The following VWC2 variants were observed in gnomAD, a reference collection of about 807,000 sequenced individuals.
VWC2 encodes the protein von Willebrand factor C domain containing 2.
A neutral mutation model predicts 29.8 loss-of-function variants in VWC2; 14 were observed. The ratio of observed to expected loss-of-function variants is 0.47; its 90% confidence interval spans 0.31 to 0.74. The LOEUF is 0.74. Among genes scored for constraint, VWC2 ranks in the 30% least tolerant of loss-of-function variants. The probability of loss-of-function intolerance (pLI) is 0.05; values close to 1 mark genes in which losing one functional copy is unlikely to be tolerated. For synonymous variants in VWC2, 213 were observed against 199.0 expected (o/e 1.07, Z -0.59); for missense variants, 457 against 459.8 (o/e 0.99, Z 0.05).
intron 3 of VWC2, among the ~76,000 whole-genome samples, chr7:49,843,948 G>C (rs1304827259): frequency 6.6e-6 from 1 of 152,188 alleles, no homozygotes; most frequent in African/African-American, 2.4e-5. Flanking sequence ...TGACAGTTAG[G>C]ACTCATTCTA....
At chr7:49,911,914 CAAAT>C in intron 3 of VWC2, 116 bp from the exon 4 acceptor site, 1 of 751,666 alleles carries the variant, frequency 1.3e-6, no homozygotes, top group Non-Finnish European at 1.8e-6. Flanking sequence ...AACAAACAAA[CAAAT>C]ACACGCACAC....
chr7:49,788,184 C>T (rs1198008917), intron 2 of VWC2, among the ~76,000 whole-genome samples: 1 of 152,180 alleles, frequency 6.6e-6, no homozygotes, highest in Non-Finnish European at 1.5e-5. Context: ...CCAGCACTTC[C>T]TGGGTAATTG....
At chr7:49,817,619 A>C (rs1789176436) in intron 3 of VWC2, among the ~76,000 whole-genome samples, 1 of 152,186 alleles carries the variant, frequency 6.6e-6, no homozygotes, top group African/African-American at 2.4e-5. Flanking sequence ...CAAACCTTTT[A>C]TTTGTCTTTC....
intron 2 of VWC2, among the ~76,000 whole-genome samples, chr7:49,796,438 C>A (rs1336332227): frequency 6.6e-6 from 1 of 152,092 alleles, no homozygotes; most frequent in Non-Finnish European, 1.5e-5. Flanking sequence ...ATCACAAGCT[C>A]CAGATTAGAC....
intron 2 of VWC2, among the ~76,000 whole-genome samples, chr7:49,785,546 A>C (rs934341876): frequency 3.3e-5 from 5 of 152,214 alleles, no homozygotes; most frequent in African/African-American, 1.2e-4. Flanking sequence ...AATGAATCTA[A>C]AGAAAGATAA....
At chr7:49,867,425 C>T (rs1217774505) in intron 3 of VWC2, among the ~76,000 whole-genome samples, 2 of 152,120 alleles carry the variant, frequency 1.3e-5, no homozygotes, top group Non-Finnish European at 2.9e-5. Flanking sequence ...GGAAGGAGTA[C>T]AGGTCAACTG....
intron 3 of VWC2, among the ~76,000 whole-genome samples, chr7:49,870,579 G>A (rs1562742882): frequency 6.6e-6 from 1 of 152,080 alleles, no homozygotes; most frequent in Non-Finnish European, 1.5e-5. Context: ...TGAATACAGG[G>A]CATGTCTTAC....
chr7:49,896,139 G>C (rs1431481121), intron 3 of VWC2, among the ~76,000 whole-genome samples: 5 of 152,178 alleles, frequency 3.3e-5, no homozygotes, highest in African/African-American at 1.2e-4. Flanking sequence ...TTAGGAGTTT[G>C]AGACTAGCCT....
At chr7:49,794,077 A>C (rs1788525763) in intron 2 of VWC2, among the ~76,000 whole-genome samples, 1 of 152,210 alleles carries the variant, frequency 6.6e-6, no homozygotes, top group African/African-American at 2.4e-5. Context: ...CCTCCCAGAG[A>C]GACATAACTG....
intron 3 of VWC2, among the ~76,000 whole-genome samples, chr7:49,842,336 A>G (rs752372167): frequency 1.3e-5 from 2 of 152,236 alleles, no homozygotes; most frequent in African/African-American, 2.4e-5. Flanking sequence ...TATTATCTGT[A>G]TACTTTAACT....
In VWC2 at chr7:49,773,927, C is replaced by T. The variant is rs1264670155; in HGVS notation, c.-290C>T. Reference sequence around the variant, plus strand: ...CAGCTGACAGCGCGATGAGCGACTCCCCAGAGACGCCCTAGCCCGGTGTGC... The same window carrying T: ...CAGCTGACAGCGCGATGAGCGACTCTCCAGAGACGCCCTAGCCCGGTGTGC... On this transcript the variant is annotated 5_prime_UTR_variant, in exon 1 of 4. Coordinates refer to ENST00000340652, the MANE Select transcript of VWC2 (RefSeq NM_198570.5). The T allele has an allele frequency of 6.6e-6, 1 of 152,182 alleles. No individual in the cohort carries two copies. The highest frequency in any genetic ancestry group is 1.5e-5 in the Non-Finnish European group (1 of 68,104). 9.4% of individuals were successfully genotyped at this position (152,182 alleles called of 1,614,324 possible).
chr7:49,780,242 C>G (rs1261823654), intron 2 of VWC2, among the ~76,000 whole-genome samples: 1 of 152,128 alleles, frequency 6.6e-6, no homozygotes, highest in East Asian at 1.9e-4. Flanking sequence ...GATTCTGTGT[C>G]TATTGCATTC....
chr7:49,898,496 C>T (rs1275544552), intron 3 of VWC2, among the ~76,000 whole-genome samples: 1 of 152,046 alleles, frequency 6.6e-6, no homozygotes, highest in Non-Finnish European at 1.5e-5. Context: ...GTTTTTATTA[C>T]TCCTTCACTT....
chr7:49,896,881 ATTTTTT>A (rs36066373), intron 3 of VWC2, among the ~76,000 whole-genome samples: 1 of 95,052 alleles, frequency 1.1e-5, no homozygotes, highest in Admixed American at 1.1e-4. Flanking sequence ...TGGATTGATA[ATTTTTT>A]TTTTTTTTTT....
At chr7:49,858,873 C>A (rs1790535634) in intron 3 of VWC2, among the ~76,000 whole-genome samples, 1 of 151,972 alleles carries the variant, frequency 6.6e-6, no homozygotes, top group African/African-American at 2.4e-5. Context: ...AAAAACTTAC[C>A]TTGTTTCCTT....
At chr7:49,854,365 C>G (rs1272731437) in intron 3 of VWC2, among the ~76,000 whole-genome samples, 1 of 152,172 alleles carries the variant, frequency 6.6e-6, no homozygotes, top group African/African-American at 2.4e-5. Flanking sequence ...CACATCCTCT[C>G]CAGCACCTGT....
chr7:49,872,915 CAAAAAAA>C (rs61473396), intron 3 of VWC2, among the ~76,000 whole-genome samples: 3 of 33,960 alleles, frequency 8.8e-5, no homozygotes, highest in Non-Finnish European at 1.6e-4. Context: ...GACTTTGTCT[CAAAAAAA>C]AAAAAAAAAA....
chr7:49,865,011 ATT>A (rs145173370), intron 3 of VWC2, among the ~76,000 whole-genome samples: 106,300 of 151,334 alleles, frequency 0.7, 37,759 homozygotes, highest in East Asian at 0.88. Flanking sequence ...CCTACTCTCA[ATT>A]TTTTCTGATA....
intron 2 of VWC2, among the ~76,000 whole-genome samples, chr7:49,791,980 C>T (rs1271313307): frequency 2.0e-5 from 3 of 152,170 alleles, no homozygotes; most frequent in Admixed American, 2.0e-4. Context: ...AAGGCTTAGC[C>T]TCTTTGTGTA....
Sources: gnomAD v4.1 joint callset for allele counts (sites outside exome capture counted in the v4.1 genomes callset) on GRCh38, gnomAD v4.1.1 for gene constraint, MANE v1.5 for transcripts, NCBI Gene and HGNC (gene_info 2026-07-23, HGNC 2026-07-21) for gene names.